Variants in RIGI observed in about 807,000 individuals in gnomAD.
RIGI encodes the protein RNA sensor RIG-I.
At chr9:32,495,738 C>T in the RIGI span, among the ~76,000 whole-genome samples, 1 of 147,880 alleles carries the variant, frequency 6.8e-6, no homozygotes, top group Non-Finnish European at 1.5e-5. Context: ...CTGCTCACTG[C>T]AACATCCACC....
chr9:32,506,691 C>T, the RIGI span, among the ~76,000 whole-genome samples: 7 of 152,058 alleles, frequency 4.6e-5, no homozygotes, highest in Admixed American at 1.3e-4. Context: ...GCGTGGCCTC[C>T]GTTTTTATTT....
chr9:32,461,240 T>G, the RIGI span, among the ~76,000 whole-genome samples: 1 of 152,128 alleles, frequency 6.6e-6, no homozygotes, highest in Non-Finnish European at 1.5e-5. Context: ...ATGAAGACAT[T>G]CTTAGATGAA....
the RIGI span, among the ~76,000 whole-genome samples, chr9:32,508,143 C>A: frequency 6.6e-6 from 1 of 151,286 alleles, no homozygotes; most frequent in Admixed American, 6.6e-5. Context: ...TTTAAGTCTC[C>A]CCCTTTTGAG....
the RIGI span, among the ~76,000 whole-genome samples, chr9:32,458,571 TC>T: frequency 6.6e-6 from 1 of 152,204 alleles, no homozygotes; most frequent in Non-Finnish European, 1.5e-5. Flanking sequence ...GTTACTTTTT[TC>T]CTTATTACCA....
the RIGI span, chr9:32,489,484 G>T: frequency 7.0e-7 from 1 of 1,421,254 alleles, no homozygotes; most frequent in Non-Finnish European, 9.9e-7. Flanking sequence ...TTACCAAACA[G>T]TTCCTGCTCT....
chr9:32,464,803 G>T, the RIGI span, among the ~76,000 whole-genome samples: 2 of 152,156 alleles, frequency 1.3e-5, no homozygotes, highest in Non-Finnish European at 2.9e-5. Flanking sequence ...CAGCTACACT[G>T]GTTATAGGGC....
the RIGI span, chr9:32,457,483 T>TAAAAAAA: frequency 1.2e-6 from 1 of 815,596 alleles, no homozygotes; most frequent in Non-Finnish European, 1.6e-6. Context: ...AATTGTGATT[T>TAAAAAAA]AAAAAAAAAA....
the RIGI span, among the ~76,000 whole-genome samples, chr9:32,524,347 T>C: frequency 1.3e-5 from 2 of 152,106 alleles, no homozygotes; most frequent in Non-Finnish European, 2.9e-5. Flanking sequence ...AATATATGAG[T>C]GCATGAAAAA....
chr9:32,513,914 G>C, the RIGI span, among the ~76,000 whole-genome samples: 1 of 152,198 alleles, frequency 6.6e-6, no homozygotes, highest in African/African-American at 2.4e-5. Flanking sequence ...AGTGGGTGCA[G>C]GATATGAGCA....
the RIGI span, chr9:32,485,426 C>T: frequency 1.5e-6 from 1 of 652,224 alleles, no homozygotes; most frequent in Non-Finnish European, 2.7e-6. Flanking sequence ...GGCTAACTGG[C>T]AGGTGGTCCA....
chr9:32,494,036 G>A, the RIGI span: 1 of 952,992 alleles, frequency 1.0e-6, no homozygotes, highest in Non-Finnish European at 1.5e-6. Context: ...AATGTATGGT[G>A]GTAGAATTCA....
chr9:32,459,596 A>G, the RIGI span: 2 of 1,318,552 alleles, frequency 1.5e-6, no homozygotes, highest in South Asian at 1.4e-5. Context: ...TACAATACAT[A>G]TACATGCACG....
the RIGI span, chr9:32,481,579 T>A: frequency 3.9e-6 from 4 of 1,026,186 alleles, no homozygotes; most frequent in East Asian, 1.1e-4. Flanking sequence ...ACCCTCTAAT[T>A]TTCTTTTTCT....
At chr9:32,488,254 C>A in the RIGI span, 1 of 1,570,294 alleles carries the variant, frequency 6.4e-7, no homozygotes, top group Non-Finnish European at 8.7e-7. Context: ...GGATAAGGAA[C>A]CACAAAGATG....
chr9:32,507,649 T>A, the RIGI span, among the ~76,000 whole-genome samples: 1 of 151,928 alleles, frequency 6.6e-6, no homozygotes, highest in African/African-American at 2.4e-5. Context: ...TCTTTTTTAT[T>A]TATTTATTAT....
At chr9:32,473,858 T>C in the RIGI span, among the ~76,000 whole-genome samples, 2 of 151,994 alleles carry the variant, frequency 1.3e-5, no homozygotes, top group Non-Finnish European at 2.9e-5. Flanking sequence ...CAAAAGCCTG[T>C]CTCTACTAAA....
chr9:32,481,357 A>G, the RIGI span: 3 of 1,613,522 alleles, frequency 1.9e-6, no homozygotes, highest in African/African-American at 1.3e-5. Context: ...TGTGAAGTGT[A>G]TAAAAACAGG....
chr9:32,514,897 A>T, the RIGI span, among the ~76,000 whole-genome samples: 6 of 152,320 alleles, frequency 3.9e-5, no homozygotes, highest in South Asian at 6.2e-4. Context: ...TCACATTTCC[A>T]GTAATTTCTG....
the RIGI span, among the ~76,000 whole-genome samples, chr9:32,517,018 G>A: frequency 5.9e-5 from 9 of 152,158 alleles, no homozygotes; most frequent in East Asian, 5.8e-4. Context: ...TTTGTACTAC[G>A]TTTGCCCCAA....
Sources: allele counts gnomAD v4.1 joint callset (sites outside exome capture counted in the v4.1 genomes callset), GRCh38; gene constraint gnomAD v4.1.1; transcripts MANE v1.5; gene names NCBI Gene and HGNC (gene_info 2026-07-23, HGNC 2026-07-21).